Variants in BMF observed in about 807,000 individuals in gnomAD.
BMF encodes the protein Bcl2 modifying factor, also known as bcl-2-modifying factor.
Under a neutral mutation model 22.0 loss-of-function variants are expected in BMF, and 10 were observed. The observed-to-expected ratio is 0.45, with a 90% CI of 0.28 to 0.77. The LOEUF (loss-of-function observed/expected upper bound fraction) is 0.77, where lower values mean the gene tolerates loss of function less well. Among genes scored for constraint, BMF ranks in the 30% least tolerant of loss-of-function variants. BMF has a pLI of 0.13. For missense variants in BMF, 206 were observed against 226.8 expected, an observed-to-expected ratio of 0.91 and a Z score of 0.59; for synonymous variants, 87 against 88.1, an observed-to-expected ratio of 0.99 and a Z score of 0.07.
At position 40,090,167 on chromosome 15, in the gene BMF, C is replaced by T. The variant is rs1383553263; in HGVS notation, c.*1620G>A. ...GAGCAGAACACAAGCTGAATTCCAGCCTCCATTAGCTGCAGGTGCCCTTGT... is the reference window on the plus strand; with the variant it reads ...GAGCAGAACACAAGCTGAATTCCAGTCTCCATTAGCTGCAGGTGCCCTTGT... On this transcript the variant is annotated 3_prime_UTR_variant, in exon 5 of 5. Coordinates refer to ENST00000354670, the MANE Select transcript of BMF (RefSeq NM_001003940.2). The T allele has an allele frequency of 6.6e-6, 1 of 152,530 alleles. No individual in the cohort carries two copies. The highest frequency in any genetic ancestry group is 2.4e-5 in the African/African-American group (1 of 41,468). The allele number at this position is 152,530 out of a possible 1,614,324, so 9.4% of individuals were successfully genotyped here.
intron 4 of BMF, 120 bp from the exon 5 acceptor site, chr15:40,092,008 C>T (rs566399392): frequency 1.4e-6 from 1 of 734,706 alleles, no homozygotes; most frequent in Non-Finnish European, 2.3e-6. Context: ...TTAATCCTAT[C>T]AGTACAGCTC....
chr15:40,102,715 G>C (rs1267713611), intron 4 of BMF, among the ~76,000 whole-genome samples: 1 of 152,196 alleles, frequency 6.6e-6, no homozygotes. Context: ...TCCAGTACCA[G>C]GACTGGAAGC....
In BMF at chr15:40,092,278, G is replaced by GC. The variant is rs575275129; in HGVS notation, c.454-391dup. 5.0e-3 allele frequency among the ~76,000 whole-genome samples: 757 copies of GC among 152,168 alleles called. 5 individuals are homozygous for GC. The highest frequency in any genetic ancestry group is 0.01 in the Middle Eastern group (3 of 294). ...AACTGGCTTCAGAAAGAGAAGAAGT[G>GC]CCCCCCTCTCTCCCCCGACTCCAAA... On this transcript the variant is annotated intron_variant, in intron 4 of 4. Transcript: ENST00000354670.
chr15:40,101,339 A>C (rs1187070411), intron 4 of BMF, among the ~76,000 whole-genome samples: 4 of 152,204 alleles, frequency 2.6e-5, no homozygotes, highest in Non-Finnish European at 5.9e-5. Context: ...CTTAATTATC[A>C]CAGTAAAATT....
intron 4 of BMF, among the ~76,000 whole-genome samples, chr15:40,102,344 G>T (rs1230136029): frequency 6.7e-6 from 1 of 148,662 alleles, no homozygotes; most frequent in South Asian, 2.1e-4. Flanking sequence ...CAGGAGAATC[G>T]CTTGAACTGG....
intron 3 of BMF, among the ~76,000 whole-genome samples, chr15:40,105,050 C>T (rs986041477): frequency 1.3e-5 from 2 of 152,338 alleles, no homozygotes; most frequent in African/African-American, 4.8e-5. Context: ...CCCGCCAGAA[C>T]TGCTTTGCCA....
intron 2 of BMF, among the ~76,000 whole-genome samples, chr15:40,107,676 G>T (rs1030775146): frequency 6.6e-6 from 1 of 151,982 alleles, no homozygotes; most frequent in African/African-American, 2.4e-5. Context: ...CACCTGGCAG[G>T]GGCTCCCCTC....
At chr15:40,097,334 A>G (rs900294872) in intron 4 of BMF, among the ~76,000 whole-genome samples, 3 of 152,204 alleles carry the variant, frequency 2.0e-5, no homozygotes, top group East Asian at 3.9e-4. Context: ...TAAGCACCCA[A>G]CTGAGCTAAG....
chr15:40,108,555 A>C (rs540025354), intron 1 of BMF, 169 bp from the exon 2 acceptor site: 3 of 152,676 alleles, frequency 2.0e-5, no homozygotes, highest in Non-Finnish European at 4.4e-5. Context: ...TTCGAGTCCC[A>C]AATGCTACCC....
At chr15:40,091,994 C>A in intron 4 of BMF, 106 bp from the exon 5 acceptor site, 2 of 843,190 alleles carry the variant, frequency 2.4e-6, no homozygotes, top group Non-Finnish European at 3.9e-6. Flanking sequence ...TCACGGCTGG[C>A]ACTTTAATCC....
chr15:40,105,797 T>A lies in BMF; in HGVS notation c.290A>T (p.Tyr97Phe). ...GTCTTGAGGCTGAGAGCACTCACCA[T>A]AAAAGAGTCGCTGGGGTTCCTCAGT... ...GVTEEPQRLFYGNAGYRLPLP... is the reference protein window; with the variant it reads ...GVTEEPQRLFFGNAGYRLPLP... The change falls in exon 3 of 5, where the codon TAT becomes TTT. Residue 97 changes from tyrosine to phenylalanine, a missense_variant and splice_region_variant. Coordinates refer to ENST00000354670, the MANE Select transcript of BMF (RefSeq NM_001003940.2). 1 of 1,604,710 alleles carries A rather than the reference T, an allele frequency of 6.2e-7. No homozygotes were observed. Among genetic ancestry groups the A allele is most frequent in the Non-Finnish European group, 8.5e-7 (1 of 1,174,938 alleles).
At chr15:40,095,594 A>G (rs2036340218) in intron 4 of BMF, among the ~76,000 whole-genome samples, 3 of 152,152 alleles carry the variant, frequency 2.0e-5, no homozygotes, top group Non-Finnish European at 1.5e-5. Flanking sequence ...TCAGCTAGGG[A>G]ACCCCTCACA....
At chr15:40,104,682 G>C (rs1034045563) in intron 3 of BMF, among the ~76,000 whole-genome samples, 1 of 152,218 alleles carries the variant, frequency 6.6e-6, no homozygotes, top group Non-Finnish European at 1.5e-5. Context: ...TATTCACGTA[G>C]TAGCAGGTTG....
intron 4 of BMF, among the ~76,000 whole-genome samples, chr15:40,103,587 AGCGCCCGGCTGGCCGCCGGTCTGG>A (rs1460873317): frequency 6.6e-6 from 1 of 152,118 alleles, no homozygotes; most frequent in African/African-American, 2.4e-5. Context: ...CGCCCGGCTG[AGCGCCCGGCTGGCCGCCGGTCTGG>A]GGAGCCTCTC....
intron 4 of BMF, 71 bp downstream of exon 4, chr15:40,104,109 A>G: frequency 6.3e-7 from 1 of 1,578,570 alleles, no homozygotes; most frequent in South Asian, 1.1e-5. Context: ...TGCTGACAAG[A>G]GGAGAGAGGC....
rs1200623368 is a variant in BMF at position 40,091,773 on chromosome 15, A to G, written c.*14T>C. 7.6e-6 allele frequency: 12 copies of G among 1,586,738 alleles called. No homozygotes were observed. The highest frequency in any genetic ancestry group is 1.3e-5 in the African/African-American group (1 of 74,298). ...GGTGTTCCTGGTGCCCCATGTGAAGAGGGCAGCCCACCCTCACCTAGGGCC... is the reference window on the plus strand; with the variant it reads ...GGTGTTCCTGGTGCCCCATGTGAAGGGGGCAGCCCACCCTCACCTAGGGCC... On this transcript the variant is annotated 3_prime_UTR_variant, in exon 5 of 5. Coordinates refer to ENST00000354670, the MANE Select transcript of BMF (RefSeq NM_001003940.2).
Position 40,089,446 on chromosome 15 carries a change from CAGTG to C in BMF, c.*2337_*2340del, listed in dbSNP as rs1212241333. On this transcript the variant is annotated 3_prime_UTR_variant, in exon 5 of 5. Transcript: ENST00000354670. ...AAATTTTGCCCTGGCTCACTTAAGA[CAGTG>C]AGTGAGTTCCTGGCTTTGCATAAGA... 6.6e-6 allele frequency: 1 copy of C among 152,248 alleles called. No homozygotes were observed. The highest frequency in any genetic ancestry group is 2.4e-5 in the African/African-American group (1 of 41,436). 9.4% of individuals were successfully genotyped at this position (152,248 alleles called of 1,614,324 possible).
rs540069210 is a variant in BMF at position 40,094,836 on chromosome 15, TAA to T, written c.454-2950_454-2949del. Among the ~76,000 whole-genome samples the T allele has an allele frequency of 5.9e-5, 9 of 152,322 alleles. No individual in the cohort carries two copies. The East Asian group carries it at 1.7e-3, about 29-fold the overall frequency. Reference sequence around the variant, plus strand: ...ATACAAGACATTACAGAGGAGGAAATAAAGTCACTCATGATCCTCCAGGCTAG... The same window carrying T: ...ATACAAGACATTACAGAGGAGGAAATAGTCACTCATGATCCTCCAGGCTAG... On this transcript the variant is annotated intron_variant, in intron 4 of 4. Transcript: ENST00000354670.
In BMF at chr15:40,106,703, CCCT is replaced by C. The variant is rs1177726539; in HGVS notation, c.-5-615_-5-613del. ...GCTGCCCATCTACTCTAATCTCCAC[CCCT>C]TGCTTGCACAACACAACAAACAGGC... On this transcript the variant is annotated intron_variant, in intron 2 of 4. Transcript: ENST00000354670. The surrounding 1 kb of genome is among the most constrained non-coding windows in gnomAD (Gnocchi z 4.1). The C allele has an allele frequency of 6.6e-6, 1 of 152,368 alleles. No homozygotes were observed. Among genetic ancestry groups the C allele is most frequent in the African/African-American group, 2.4e-5 (1 of 41,436 alleles). 9.4% of individuals were successfully genotyped at this position (152,368 alleles called of 1,614,324 possible). A position where few individuals can be genotyped will look rare whatever the true frequency, so the allele number is the denominator to read the frequency against.
Sources: gnomAD v4.1 joint callset for allele counts (sites outside exome capture counted in the v4.1 genomes callset) on GRCh38, gnomAD v4.1.1 for gene constraint, Gnocchi (gnomAD v3.1) non-coding constraint, MANE v1.5 for transcripts, NCBI Gene and HGNC (gene_info 2026-07-23, HGNC 2026-07-21) for gene names.